TBC1D2B: variants seen among roughly 807,000 people sequenced by gnomAD.
TBC1D2B encodes TBC1 domain family, member 2B.
TBC1D2B carries 64 observed loss-of-function variants against 100.8 expected under a neutral mutation model. The ratio of observed to expected loss-of-function variants is 0.64; its 90% CI spans 0.52 to 0.78. TBC1D2B has a LOEUF of 0.78. Ranked by LOEUF, TBC1D2B falls within the 30% of genes least tolerant of loss-of-function variation. The pLI, the probability that TBC1D2B is intolerant of heterozygous loss-of-function variation, is 0.00. For synonymous variants in TBC1D2B, 480 were observed against 479.7 expected, an observed-to-expected ratio of 1.00 and a Z score of -0.01; for missense variants, 1,052 against 1,218.4, an observed-to-expected ratio of 0.86 and a Z score of 2.03.
Position 78,021,470 on chromosome 15 carries a change from CCT to C in TBC1D2B, c.1470+2684_1470+2685del, listed in dbSNP as rs560119556. Among the ~76,000 whole-genome samples the C allele has an allele frequency of 4.4e-3, 669 of 152,298 alleles. 3 individuals carry two copies. Among genetic ancestry groups the C allele is most frequent in the Non-Finnish European group, 7.1e-3 (485 of 68,026 alleles). ...AACACCCACTTCTGTCAGTGCGCTC[CCT>C]CTTTCTCCCTGGAGCCTTTCCAGTT... On this transcript the variant is annotated intron_variant, in intron 6 of 12. Coordinates refer to ENST00000300584, the MANE Select transcript of TBC1D2B (RefSeq NM_144572.2).
intron 1 of TBC1D2B, among the ~76,000 whole-genome samples, chr15:78,074,363 T>C (rs770974496): frequency 4.6e-5 from 7 of 152,192 alleles, no homozygotes; most frequent in Non-Finnish European, 8.8e-5. Context: ...TGATTTCCAT[T>C]CCCATTGTTG....
chr15:78,004,872 A>G (rs1220561445), intron 10 of TBC1D2B, among the ~76,000 whole-genome samples: 3 of 152,280 alleles, frequency 2.0e-5, no homozygotes, highest in Middle Eastern at 3.4e-3. Flanking sequence ...AAAAATCCAC[A>G]TGTAAGTGGA....
At chr15:78,071,831 A>G (rs2073746793) in intron 1 of TBC1D2B, among the ~76,000 whole-genome samples, 1 of 152,220 alleles carries the variant, frequency 6.6e-6, no homozygotes, top group African/African-American at 2.4e-5. Flanking sequence ...TGTTATAACA[A>G]AAACACCACA....
chr15:78,075,770 G>A (rs886589911), intron 1 of TBC1D2B, among the ~76,000 whole-genome samples: 2 of 152,182 alleles, frequency 1.3e-5, no homozygotes, highest in Admixed American at 1.3e-4. Flanking sequence ...CAGGACAGGG[G>A]AGCCCAAGAG....
chr15:78,066,169 C>A, intron 1 of TBC1D2B: 1 of 445,172 alleles, frequency 2.2e-6, no homozygotes. Context: ...CCACCATGAT[C>A]AGCAAAGGGG....
intron 1 of TBC1D2B, among the ~76,000 whole-genome samples, chr15:78,056,794 T>G (rs1158391687): frequency 6.8e-6 from 1 of 147,338 alleles, no homozygotes; most frequent in African/African-American, 2.6e-5. Flanking sequence ...GTGAGCCCAG[T>G]CTGCCAAACC....
intron 11 of TBC1D2B, chr15:78,002,529 G>C (rs886315874): frequency 1.3e-5 from 2 of 151,184 alleles, no homozygotes; most frequent in African/African-American, 2.4e-5. Context: ...TTAGAGGTTA[G>C]AGGGAATGGA....
intron 6 of TBC1D2B, among the ~76,000 whole-genome samples, chr15:78,021,544 T>C (rs964099931): frequency 1.3e-5 from 2 of 152,264 alleles, no homozygotes; most frequent in South Asian, 4.1e-4. Flanking sequence ...GTGAACACCT[T>C]CTGCATTGCA....
chr15:78,025,189 A>G, intron 5 of TBC1D2B, 70 bp downstream of exon 5: 1 of 1,333,828 alleles, frequency 7.5e-7, no homozygotes, highest in Non-Finnish European at 1.1e-6. Flanking sequence ...GGAAACATAA[A>G]TTGGGCTTTA....
intron 3 of TBC1D2B, among the ~76,000 whole-genome samples, chr15:78,043,063 C>A (rs533618809): frequency 3.4e-4 from 52 of 152,220 alleles, no homozygotes; most frequent in African/African-American, 1.2e-3. Context: ...CATTCAGCTC[C>A]AATATAACCT....
chr15:78,033,368 A>G lies in TBC1D2B; in HGVS notation c.684-3198T>C, dbSNP rs1014293387. Among the ~76,000 whole-genome samples, 14 of 152,372 alleles carry G rather than the reference A, an allele frequency of 9.2e-5. No homozygotes were observed. The South Asian group carries it at 2.3e-3, about 25-fold the overall frequency. ...ACGAAAACACCAAACAATATAGGTA[A>G]GTCTCCAAAAACGTTAAGTGAAAGA... On this transcript the variant is annotated intron_variant, in intron 3 of 12. Coordinates refer to ENST00000300584, the MANE Select transcript of TBC1D2B (RefSeq NM_144572.2).
intron 11 of TBC1D2B, 23 bp from the exon 12 acceptor site, chr15:78,001,763 T>C: frequency 6.3e-7 from 1 of 1,591,520 alleles, no homozygotes; most frequent in South Asian, 1.1e-5. Flanking sequence ...CAGGGAAATC[T>C]GTTAGTGGAA....
chr15:78,053,884 C>T (rs1596326074), intron 2 of TBC1D2B, 150 bp downstream of exon 2: 4 of 896,564 alleles, frequency 4.5e-6, no homozygotes, highest in East Asian at 2.7e-5. Context: ...TACATGGAGG[C>T]GCTGGGTAAC....
intron 3 of TBC1D2B, among the ~76,000 whole-genome samples, chr15:78,031,265 A>T (rs969842792): frequency 5.3e-5 from 8 of 152,176 alleles, no homozygotes; most frequent in Admixed American, 2.0e-4. Flanking sequence ...TCAAGAAGAG[A>T]GGATTTAGCC....
intron 6 of TBC1D2B, among the ~76,000 whole-genome samples, chr15:78,023,162 C>T (rs766659790): frequency 5.1e-4 from 77 of 152,320 alleles, no homozygotes; most frequent in Admixed American, 2.3e-3. Flanking sequence ...CAGCAGCAAA[C>T]CTCTGCCCTC....
intron 3 of TBC1D2B, among the ~76,000 whole-genome samples, chr15:78,040,843 A>AAAGG (rs1555420836): frequency 3.9e-5 from 5 of 127,444 alleles, no homozygotes; most frequent in Non-Finnish European, 8.5e-5. Flanking sequence ...AAGAAAAAAG[A>AAAGG]AAGAAAGAAA....
intron 1 of TBC1D2B, among the ~76,000 whole-genome samples, chr15:78,074,026 T>TTGTC (rs1567037763): frequency 6.6e-6 from 1 of 151,290 alleles, no homozygotes; most frequent in African/African-American, 2.4e-5. Context: ...GTTTGTTTGT[T>TTGTC]TGTTTGTTTG....
chr15:78,053,984 G>C (rs761435267), intron 2 of TBC1D2B, 50 bp downstream of exon 2: 2 of 1,550,228 alleles, frequency 1.3e-6, no homozygotes, highest in South Asian at 1.2e-5. Context: ...ATGTGGTATC[G>C]AATGGCTTAC....
intron 8 of TBC1D2B, 135 bp from the exon 9 acceptor site, chr15:78,013,452 G>C: frequency 1.2e-6 from 1 of 868,092 alleles, no homozygotes. Context: ...TTTCAAATCA[G>C]TGAGGATATA....
Sources: gnomAD v4.1 joint callset for allele counts (sites outside exome capture counted in the v4.1 genomes callset) on GRCh38, gnomAD v4.1.1 for gene constraint, MANE v1.5 for transcripts, NCBI Gene and HGNC (gene_info 2026-07-23, HGNC 2026-07-21) for gene names.